PLAAT5: variants seen among roughly 807,000 people sequenced by gnomAD.
The protein encoded by PLAAT5 is Ca(2+)-independent N-acyltransferase.
PLAAT5 carries 27 observed loss-of-function variants against 27.8 expected under a neutral mutation model. The observed-to-expected ratio is 0.97, with a 90% CI of 0.72 to 1.34. The LOEUF (loss-of-function observed/expected upper bound fraction) is 1.34, where lower values mean the gene tolerates loss of function less well. PLAAT5 is among the 40% of genes most tolerant of loss of function. The pLI is 0.00. For missense variants in PLAAT5, 368 were observed against 343.8 expected, an observed-to-expected ratio of 1.07 and a Z score of -0.56; for synonymous variants, 125 against 136.1, an observed-to-expected ratio of 0.92 and a Z score of 0.57.
Position 63,468,443 on chromosome 11 carries a change from C to T in PLAAT5, c.368G>A (p.Gly123Glu), listed in dbSNP as rs778449105. The T allele has an allele frequency of 5.0e-6, 8 of 1,614,002 alleles. No individual in the cohort carries two copies. Among genetic ancestry groups the T allele is most frequent in the Non-Finnish European group, 6.8e-6 (8 of 1,179,908 alleles). ...AAEGKPRPRPGDLIEIFRIGY... is the reference protein window; with the variant it reads ...AAEGKPRPRPEDLIEIFRIGY... ...AATTCGAAAAATCTCAATCAGGTCTCCAGGTCTGGGTCTTGGTTTTCCCTA... is the reference window on the plus strand; with the variant it reads ...AATTCGAAAAATCTCAATCAGGTCTTCAGGTCTGGGTCTTGGTTTTCCCTA... Residue 123 changes from glycine (G) to glutamate (E), a missense_variant, in exon 4 of 6, where the codon GGA becomes GAA. Coordinates refer to ENST00000540857, the MANE Select transcript of PLAAT5 (RefSeq NM_001146729.2).
intron 3 of PLAAT5, among the ~76,000 whole-genome samples, chr11:63,471,568 T>C (rs1461276545): frequency 6.6e-6 from 1 of 152,206 alleles, no homozygotes; most frequent in East Asian, 1.9e-4. Context: ...GAAATAAATG[T>C]AAGGTGCGCA....
intron 3 of PLAAT5, among the ~76,000 whole-genome samples, chr11:63,473,966 T>C (rs2016093514): frequency 6.6e-6 from 1 of 152,144 alleles, no homozygotes; most frequent in South Asian, 2.1e-4. Flanking sequence ...CCCAAAGGGC[T>C]AGGATTACAG....
Position 63,490,299 on chromosome 11 carries a change from G to A in PLAAT5, c.183C>T (p.Leu61=), listed in dbSNP as rs964536267. The stretch of plus-strand genomic sequence containing the variant: ...TGCCCGGCGGAGGCTGCTTGGCTGG[G>A]AGCTGGACCAACGCTGCGAATCCCA... ...ESVGFAALVQ[L]PAKQPPPGTL... is the part of the protein sequence containing the mutation. The change falls in exon 2 of 6, where the codon CTC becomes CTT. Residue 61 remains leucine, a synonymous_variant. Coordinates refer to ENST00000540857, the MANE Select transcript of PLAAT5 (RefSeq NM_001146729.2). 2 of 1,614,046 alleles carry A rather than the reference G, an allele frequency of 1.2e-6. No homozygotes were observed. The highest frequency in any genetic ancestry group is 2.7e-5 in the African/African-American group (2 of 74,900).
At chr11:63,469,076 C>G (rs1408835719) in intron 3 of PLAAT5, among the ~76,000 whole-genome samples, 1 of 149,988 alleles carries the variant, frequency 6.7e-6, no homozygotes, top group African/African-American at 2.5e-5. Flanking sequence ...GTCCTGCTTG[C>G]CCAGCAAATG....
chr11:63,486,874 G>A (rs2016448594), intron 3 of PLAAT5, among the ~76,000 whole-genome samples: 1 of 152,126 alleles, frequency 6.6e-6, no homozygotes, highest in South Asian at 2.1e-4. Context: ...AAAATACCTA[G>A]AAGAAAACAG....
Position 63,466,193 on chromosome 11 carries a change from T to C in PLAAT5, c.634A>G (p.Lys212Glu), listed in dbSNP as rs146038106. ...TCAATCAGGCTGTACTGCACGATCT[T>C]GTTGACCATCTTTTTTGTACGCTGG... Reference protein sequence around the residue: ...IIQRTKKMVNKIVQYSLIEGN... With the variant: ...IIQRTKKMVNEIVQYSLIEGN... The change falls in exon 5 of 6, where the codon AAG (lysine) becomes GAG (glutamate). Residue 212 changes from lysine to glutamate, a missense_variant. Physicochemically the swap from Lys to Glu is moderately conservative, Grantham distance 56. Coordinates refer to ENST00000540857, the MANE Select transcript of PLAAT5 (RefSeq NM_001146729.2). 2.5e-6 allele frequency: 4 copies of C among 1,613,984 alleles called. No homozygotes were observed. The African/African-American group carries it at 4.0e-5, about 16-fold the overall frequency.
chr11:63,483,527 C>A (rs1333937285), intron 3 of PLAAT5, among the ~76,000 whole-genome samples: 1 of 148,732 alleles, frequency 6.7e-6, no homozygotes, highest in Non-Finnish European at 1.5e-5. Context: ...ACAATGAAAT[C>A]AAGACAGAAA....
intron 3 of PLAAT5, 30 bp from the exon 4 acceptor site, chr11:63,468,495 A>G: frequency 2.6e-6 from 4 of 1,542,500 alleles, no homozygotes; most frequent in Non-Finnish European, 3.6e-6. Context: ...GATAAATGGC[A>G]CATGCTCAAG....
chr11:63,472,338 T>C (rs1314414786), intron 3 of PLAAT5, among the ~76,000 whole-genome samples: 1 of 152,228 alleles, frequency 6.6e-6, no homozygotes, highest in Non-Finnish European at 1.5e-5. Flanking sequence ...GTAATGCTGC[T>C]GAGATTCATG....
intron 4 of PLAAT5, among the ~76,000 whole-genome samples, chr11:63,466,641 CTG>C (rs1364423128): frequency 1.3e-5 from 2 of 152,190 alleles, no homozygotes; most frequent in African/African-American, 4.8e-5. Context: ...TGGTCCCAGA[CTG>C]TGTTGCACTG....
At position 63,463,537 on chromosome 11, in the gene PLAAT5, A is replaced by G. The variant is rs1373209200; in HGVS notation, c.776T>C (p.Val259Ala). 3 of 1,613,760 alleles carry G rather than the reference A, an allele frequency of 1.9e-6. No individual in the cohort carries two copies. The highest frequency in any genetic ancestry group is 2.5e-6 in the Non-Finnish European group (3 of 1,179,998). The change falls in exon 6 of 6, where the codon GTG (valine) becomes GCG (alanine). Residue 259 changes from valine to alanine, a missense_variant. Transcript: ENST00000540857. ...TATTGGTTTGGGCTTTATGCTATCC[A>G]CTACAGCTGAAATAACTGCTCCAGC... is the stretch of plus-strand genomic sequence containing the variant. ...KAAGAVISAV[V>A]DSIKPKPITA is the part of the protein sequence containing the mutation.
At chr11:63,469,493 C>G in intron 3 of PLAAT5, 1 of 241,668 alleles carries the variant, frequency 4.1e-6, no homozygotes, top group South Asian at 7.3e-5. Context: ...TCATTTCACC[C>G]AAGACCTTTG....
In PLAAT5 at chr11:63,490,365, T is replaced by G. The variant is rs1327916056; in HGVS notation, c.149-32A>C. 3.1e-6 allele frequency: 5 copies of G among 1,613,804 alleles called. No individual in the cohort carries two copies. The Admixed American group carries it at 8.3e-5, about 27-fold the overall frequency. On this transcript the variant is annotated intron_variant, in intron 1 of 5. Coordinates refer to ENST00000540857, the MANE Select transcript of PLAAT5 (RefSeq NM_001146729.2). Reference sequence around the variant, plus strand: ...CAAGGGGGGAAATGCTATTTAGACCTGTGAAAGGAGAGTTCGAGCAAGCAC... The same window carrying G: ...CAAGGGGGGAAATGCTATTTAGACCGGTGAAAGGAGAGTTCGAGCAAGCAC...
At chr11:63,472,500 A>C (rs1162399343) in intron 3 of PLAAT5, among the ~76,000 whole-genome samples, 2 of 152,190 alleles carry the variant, frequency 1.3e-5, no homozygotes, top group Non-Finnish European at 2.9e-5. Context: ...TTATCAAAAA[A>C]AATATTTTGA....
intron 3 of PLAAT5, among the ~76,000 whole-genome samples, chr11:63,479,335 T>C (rs1250148088): frequency 6.6e-6 from 1 of 152,242 alleles, no homozygotes; most frequent in African/African-American, 2.4e-5. Context: ...AATAAGACTA[T>C]ATTGCTTTAA....
At chr11:63,464,027 G>A (rs1209073763) in intron 5 of PLAAT5, among the ~76,000 whole-genome samples, 1 of 152,174 alleles carries the variant, frequency 6.6e-6, no homozygotes, top group South Asian at 2.1e-4. Flanking sequence ...TTCTTCAGAG[G>A]ACTTCTTGTA....
At chr11:63,465,813 AAAG>A (rs1238525172) in intron 5 of PLAAT5, among the ~76,000 whole-genome samples, 1 of 152,104 alleles carries the variant, frequency 6.6e-6, no homozygotes, top group Non-Finnish European at 1.5e-5. Flanking sequence ...GAAAAAAAGA[AAAG>A]AAAGAAAAGC....
chr11:63,485,934 GA>G (rs2016422235), intron 3 of PLAAT5, among the ~76,000 whole-genome samples: 1 of 151,612 alleles, frequency 6.6e-6, no homozygotes, highest in South Asian at 2.1e-4. Flanking sequence ...AATCAGCAAG[GA>G]AAAAAACAAT....
chr11:63,488,400 T>C (rs1439784176), intron 3 of PLAAT5, among the ~76,000 whole-genome samples: 1 of 152,208 alleles, frequency 6.6e-6, no homozygotes, highest in Middle Eastern at 3.2e-3. Context: ...TGTCAAAATG[T>C]ATCAAACTAT....
Sources: gnomAD v4.1 joint callset for allele counts (sites outside exome capture counted in the v4.1 genomes callset) on GRCh38, gnomAD v4.1.1 for gene constraint, MANE v1.5 for transcripts, NCBI Gene and HGNC (gene_info 2026-07-23, HGNC 2026-07-21) for gene names.